PPARGC1A: variants seen among roughly 807,000 people sequenced by gnomAD.
The protein encoded by PPARGC1A is PPARG coactivator 1 alpha.
Under a neutral mutation model 88.7 loss-of-function variants are expected in PPARGC1A, and 25 were observed. The observed-to-expected ratio is 0.28, with a 90% CI of 0.21 to 0.39. The LOEUF is 0.39. PPARGC1A is among the 10% of genes least tolerant of loss of function. The pLI is 1.00. For missense variants in PPARGC1A, 880 were observed against 968.7 expected (o/e 0.91, Z 1.22); for synonymous variants, 363 against 355.6 (o/e 1.02, Z -0.24).
chr4:24,378,660 T>C, the PPARGC1A span, among the ~76,000 whole-genome samples: 9 of 152,268 alleles, frequency 5.9e-5, no homozygotes, highest in South Asian at 1.9e-3. Context: ...AATCTTAGAG[T>C]CTGTCTATGG....
chr4:23,856,443 A>T (rs1487835715), intron 2 of PPARGC1A, among the ~76,000 whole-genome samples: 1 of 152,206 alleles, frequency 6.6e-6, no homozygotes, highest in Non-Finnish European at 1.5e-5. Flanking sequence ...GCCATGCTCA[A>T]AGCTGCAGGA....
the PPARGC1A span, among the ~76,000 whole-genome samples, chr4:24,417,917 C>T: frequency 3.5e-3 from 529 of 152,096 alleles, 4 homozygotes; most frequent in African/African-American, 0.012. Flanking sequence ...CAAAAACATA[C>T]TTTTTAAAGT....
intron 2 of PPARGC1A, among the ~76,000 whole-genome samples, chr4:23,877,129 A>C (rs941365017): frequency 6.6e-6 from 1 of 152,132 alleles, no homozygotes; most frequent in African/African-American, 2.4e-5. Flanking sequence ...TTCATTGTGG[A>C]TCTCTCTCCC....
At chr4:24,437,641 A>G in the PPARGC1A span, among the ~76,000 whole-genome samples, 3 of 143,492 alleles carry the variant, frequency 2.1e-5, no homozygotes, top group African/African-American at 7.7e-5. Flanking sequence ...TTGTTGTTTT[A>G]GTTTTGGTTT....
At chr4:23,830,422 C>T (rs1724793467) in intron 3 of PPARGC1A, among the ~76,000 whole-genome samples, 1 of 152,068 alleles carries the variant, frequency 6.6e-6, no homozygotes. Context: ...CCCAAATGAA[C>T]AAATTGAATA....
At chr4:23,966,425 A>G in the PPARGC1A span, among the ~76,000 whole-genome samples, 1 of 152,238 alleles carries the variant, frequency 6.6e-6, no homozygotes, top group East Asian at 1.9e-4. Flanking sequence ...ATCAATTTAA[A>G]TGTAAATAAC....
the PPARGC1A span, among the ~76,000 whole-genome samples, chr4:24,372,326 G>A: frequency 1.3e-5 from 2 of 152,146 alleles, no homozygotes; most frequent in African/African-American, 4.8e-5. Flanking sequence ...TTATAAAAAC[G>A]CCCACACCAG....
chr4:24,340,899 G>A, the PPARGC1A span, among the ~76,000 whole-genome samples: 2 of 152,082 alleles, frequency 1.3e-5, no homozygotes, highest in Non-Finnish European at 2.9e-5. Context: ...GGGAACAGTG[G>A]TTTAGTAAAT....
the PPARGC1A span, among the ~76,000 whole-genome samples, chr4:24,105,660 G>T: frequency 5.3e-5 from 8 of 152,282 alleles, no homozygotes; most frequent in East Asian, 1.6e-3. Flanking sequence ...TAAGCGAATG[G>T]TGTTTGTGTA....
chr4:24,261,477 T>C, the PPARGC1A span, among the ~76,000 whole-genome samples: 1 of 152,220 alleles, frequency 6.6e-6, no homozygotes, highest in Non-Finnish European at 1.5e-5. Flanking sequence ...TTTCTCTTTC[T>C]ATAGGAACTC....
chr4:24,318,775 C>G, the PPARGC1A span, among the ~76,000 whole-genome samples: 1 of 152,100 alleles, frequency 6.6e-6, no homozygotes, highest in African/African-American at 2.4e-5. Context: ...AATTTGGGGG[C>G]CCCTGAATGC....
At chr4:24,374,411 G>C in the PPARGC1A span, among the ~76,000 whole-genome samples, 1 of 152,078 alleles carries the variant, frequency 6.6e-6, no homozygotes, top group Non-Finnish European at 1.5e-5. Context: ...TCAGAGGGTG[G>C]GGGTGGAAGG....
upstream of PPARGC1A, among the ~76,000 whole-genome samples, chr4:23,900,672 A>T (rs571952150): frequency 3.9e-5 from 6 of 152,334 alleles, no homozygotes; most frequent in South Asian, 1.0e-3. Flanking sequence ...AACCAAGCAC[A>T]TCAGATGTTC....
At chr4:24,323,788 T>C in the PPARGC1A span, among the ~76,000 whole-genome samples, 4 of 152,196 alleles carry the variant, frequency 2.6e-5, no homozygotes, top group African/African-American at 4.8e-5. Flanking sequence ...CTCTTTGCTC[T>C]GTGAGAAAGA....
At chr4:24,187,240 G>T in the PPARGC1A span, among the ~76,000 whole-genome samples, 1 of 152,316 alleles carries the variant, frequency 6.6e-6, no homozygotes, top group African/African-American at 2.4e-5. Flanking sequence ...CTGTGAGCTG[G>T]CATTTCTCTA....
At chr4:23,929,844 T>A in the PPARGC1A span, among the ~76,000 whole-genome samples, 1 of 152,216 alleles carries the variant, frequency 6.6e-6, no homozygotes, top group Non-Finnish European at 1.5e-5. Context: ...TTATTTAGCA[T>A]TCATTGCGCC....
At chr4:24,157,045 C>T in the PPARGC1A span, among the ~76,000 whole-genome samples, 2 of 152,154 alleles carry the variant, frequency 1.3e-5, no homozygotes, top group East Asian at 1.9e-4. Flanking sequence ...CACATAGAGG[C>T]TGTATAGGGT....
the PPARGC1A span, among the ~76,000 whole-genome samples, chr4:24,407,680 A>C: frequency 2.0e-5 from 3 of 152,194 alleles, no homozygotes; most frequent in Admixed American, 2.0e-4. Context: ...ATGAGAATTA[A>C]ACAGAAGGCA....
At chr4:24,031,287 T>A in the PPARGC1A span, among the ~76,000 whole-genome samples, 1 of 152,172 alleles carries the variant, frequency 6.6e-6, no homozygotes, top group African/African-American at 2.4e-5. Context: ...GCATTCCATT[T>A]CTGGCCCCTT....
Sources: allele counts gnomAD v4.1 joint callset (sites outside exome capture counted in the v4.1 genomes callset), GRCh38; gene constraint gnomAD v4.1.1; transcripts MANE v1.5; gene names NCBI Gene and HGNC (gene_info 2026-07-23, HGNC 2026-07-21).